Variants in AMBRA1 observed in about 807,000 individuals in gnomAD.
AMBRA1 encodes the protein activating molecule in BECN1-regulated autophagy protein 1.
In AMBRA1, 47 loss-of-function variants were observed where a neutral mutation model predicts 125.4. The observed-to-expected ratio is 0.37, with a 90% CI of 0.30 to 0.48. The LOEUF (loss-of-function observed/expected upper bound fraction) is 0.48, where lower values mean the gene tolerates loss of function less well. Among genes scored for constraint, AMBRA1 ranks in the 20% least tolerant of loss-of-function variants. AMBRA1 has a pLI of 0.99. For synonymous variants in AMBRA1, 626 were observed against 655.5 expected, an observed-to-expected ratio of 0.95 and a Z score of 0.69; for missense variants, 1,331 against 1,693.4, an observed-to-expected ratio of 0.79 and a Z score of 3.76.
At chr11:46,408,376 G>A (rs924621975) in intron 17 of AMBRA1, 137 bp downstream of exon 17, 7 of 882,204 alleles carry the variant, frequency 7.9e-6, no homozygotes, top group Admixed American at 3.8e-5. Flanking sequence ...AAACCATGTC[G>A]CTGCTGAGGA....
At chr11:46,544,150 A>T in intron 5 of AMBRA1, 109 bp from the exon 6 acceptor site, 1 of 802,748 alleles carries the variant, frequency 1.2e-6, no homozygotes. Flanking sequence ...AACTGGTATC[A>T]CTCAGGTATC....
intron 7 of AMBRA1, among the ~76,000 whole-genome samples, chr11:46,521,947 G>C (rs996509701): frequency 6.6e-6 from 1 of 152,170 alleles, no homozygotes; most frequent in Non-Finnish European, 1.5e-5. Flanking sequence ...AATTCACAGA[G>C]TGCAAAATAA....
chr11:46,556,715 C>T (rs936292610), intron 1 of AMBRA1, among the ~76,000 whole-genome samples: 1 of 152,158 alleles, frequency 6.6e-6, no homozygotes, highest in Non-Finnish European at 1.5e-5. Flanking sequence ...TTAGTTTCCT[C>T]ATCCATAAAA....
At chr11:46,548,616 T>G in intron 1 of AMBRA1, 116 bp from the exon 2 acceptor site, 1 of 501,264 alleles carries the variant, frequency 2.0e-6, no homozygotes, top group Non-Finnish European at 3.5e-6. Flanking sequence ...TGACACTTTC[T>G]CAGAAAAGAC....
Position 46,570,626 on chromosome 11 carries a change from C to T in AMBRA1, c.-120-22126G>A, listed in dbSNP as rs1271218422. ...CCCTAGCTCAACGTGATGTTACTTG[C>T]CCCCCCATTGAACAGTAATTTGATT... On this transcript the variant is annotated intron_variant, in intron 1 of 17. Transcript: ENST00000683756. Among the ~76,000 whole-genome samples, 4 of 152,038 alleles carry T rather than the reference C, an allele frequency of 2.6e-5. 1 individual carries two copies. The East Asian group carries it at 7.7e-4, about 29-fold the overall frequency.
chr11:46,423,620 T>C (rs1321968800), intron 14 of AMBRA1, among the ~76,000 whole-genome samples: 1 of 152,070 alleles, frequency 6.6e-6, no homozygotes, highest in Admixed American at 6.5e-5. Flanking sequence ...CTTGATCTCC[T>C]GACCTTGTGA....
At chr11:46,453,082 C>T (rs1160547858) in intron 11 of AMBRA1, among the ~76,000 whole-genome samples, 6 of 152,168 alleles carry the variant, frequency 3.9e-5, no homozygotes, top group Non-Finnish European at 8.8e-5. Context: ...TACCCATTAA[C>T]AGTCACTCCC....
intron 7 of AMBRA1, among the ~76,000 whole-genome samples, chr11:46,513,263 TTTTTC>T (rs1254860965): frequency 1.4e-5 from 2 of 144,620 alleles, no homozygotes; most frequent in African/African-American, 5.5e-5. Flanking sequence ...CCTACGCTCT[TTTTTC>T]TTTTTTTTTT....
intron 11 of AMBRA1, among the ~76,000 whole-genome samples, chr11:46,459,739 TACACACACAC>T (rs56374939): frequency 0.012 from 1,279 of 110,304 alleles, 17 homozygotes; most frequent in African/African-American, 0.035. Flanking sequence ...AAAATACACA[TACACACACAC>T]ACACACACAC....
intron 9 of AMBRA1, among the ~76,000 whole-genome samples, chr11:46,496,770 T>A (rs1950644562): frequency 6.8e-6 from 1 of 147,790 alleles, no homozygotes. Flanking sequence ...AAAACCTAAA[T>A]ATAATTTCTT....
At chr11:46,442,937 G>C (rs1948091685) in intron 12 of AMBRA1, among the ~76,000 whole-genome samples, 1 of 152,202 alleles carries the variant, frequency 6.6e-6, no homozygotes. Context: ...GGCCAGGCTG[G>C]TCTTGAACTC....
In AMBRA1 at chr11:46,512,591, C is replaced by A. The variant is rs548830957; in HGVS notation, c.2159+136G>T. ...TGCAATACTTCCCCATCACCTGAAC[C>A]ACCTGTCTCAAAACTGTAACTGAAG... On this transcript the variant is annotated intron_variant, in intron 8 of 17. Coordinates refer to ENST00000683756, the MANE Select transcript of AMBRA1 (RefSeq NM_001387011.1). The A allele has an allele frequency of 1.2e-4, 73 of 618,638 alleles. No individual in the cohort carries two copies. In the South Asian group the frequency reaches 1.7e-3, roughly 14 times the overall value. The allele number at this position is 618,638 out of a possible 1,614,324, so 38.3% of individuals were successfully genotyped here.
intron 12 of AMBRA1, among the ~76,000 whole-genome samples, chr11:46,439,892 A>C (rs1947917288): frequency 6.6e-6 from 1 of 152,138 alleles, no homozygotes; most frequent in African/African-American, 2.4e-5. Flanking sequence ...AAAAAATACA[A>C]ATTTAAAATG....
At chr11:46,437,923 A>G (rs1947807665) in intron 12 of AMBRA1, among the ~76,000 whole-genome samples, 1 of 152,210 alleles carries the variant, frequency 6.6e-6, no homozygotes, top group African/African-American at 2.4e-5. Flanking sequence ...AGCAGCACAC[A>G]AACTTTAACA....
chr11:46,411,735 C>T (rs1167736509), intron 15 of AMBRA1, among the ~76,000 whole-genome samples: 1 of 152,112 alleles, frequency 6.6e-6, no homozygotes, highest in Admixed American at 6.5e-5. Flanking sequence ...TCCCAAAGTG[C>T]TAGGATTACA....
intron 11 of AMBRA1, among the ~76,000 whole-genome samples, chr11:46,469,881 T>C (rs1949505498): frequency 6.6e-6 from 1 of 151,114 alleles, no homozygotes; most frequent in African/African-American, 2.4e-5. Flanking sequence ...TCTCACTATG[T>C]TGCCCAGACT....
At chr11:46,564,097 T>C (rs1432946660) in intron 1 of AMBRA1, among the ~76,000 whole-genome samples, 2 of 136,642 alleles carry the variant, frequency 1.5e-5, no homozygotes, top group African/African-American at 5.7e-5. Context: ...TGAGCCGAGA[T>C]GGCGCCATTG....
chr11:46,440,772 T>G (rs1947965147), intron 12 of AMBRA1, among the ~76,000 whole-genome samples: 1 of 152,148 alleles, frequency 6.6e-6, no homozygotes, highest in Non-Finnish European at 1.5e-5. Context: ...GAAGTTTCAT[T>G]GAGACAGGAC....
intron 14 of AMBRA1, among the ~76,000 whole-genome samples, chr11:46,429,694 GTTA>G (rs1459528746): frequency 6.6e-6 from 1 of 152,088 alleles, no homozygotes; most frequent in Non-Finnish European, 1.5e-5. Context: ...TACAACCAAA[GTTA>G]TTATACTGTG....
Sources: gnomAD v4.1 joint callset for allele counts (sites outside exome capture counted in the v4.1 genomes callset) on GRCh38, gnomAD v4.1.1 for gene constraint, MANE v1.5 for transcripts, NCBI Gene and HGNC (gene_info 2026-07-23, HGNC 2026-07-21) for gene names.